The following SPINK2 variants were observed in gnomAD, a reference collection of about 807,000 sequenced individuals.
The protein encoded by SPINK2 is serine protease inhibitor Kazal-type 2.
In SPINK2, 8 loss-of-function variants were observed where a neutral mutation model predicts 13.5. The observed-to-expected ratio is 0.59, with a 90% CI of 0.35 to 1.07. The LOEUF is 1.07. Ranked by LOEUF, SPINK2 falls within the 50% of genes least tolerant of loss-of-function variation. The pLI is 0.02. For synonymous variants in SPINK2, 76 were observed against 74.7 expected (o/e 1.02, Z -0.09); for missense variants, 148 against 180.3 (o/e 0.82, Z 1.03).
chr4:56,816,955 G>A (rs1717506128), intron 2 of SPINK2, among the ~76,000 whole-genome samples: 1 of 151,902 alleles, frequency 6.6e-6, no homozygotes, highest in African/African-American at 2.4e-5. Context: ...CTATAACCCA[G>A]CACTTGGGGA....
chr4:56,819,049 G>A (rs1246169397), intron 2 of SPINK2, among the ~76,000 whole-genome samples: 2 of 152,116 alleles, frequency 1.3e-5, no homozygotes, highest in African/African-American at 2.4e-5. Context: ...ACTTCCATGT[G>A]ACCTTGGCCA....
Position 56,821,665 on chromosome 4 carries a change from T to G in SPINK2, c.-3A>C. ...AAGCGCAGCACCGACAGCGCCATCCTCCTCCCGCGCCGGCTGTCTTGCCCC... is the reference window on the plus strand; with the variant it reads ...AAGCGCAGCACCGACAGCGCCATCCGCCTCCCGCGCCGGCTGTCTTGCCCC... On this transcript the variant is annotated 5_prime_UTR_variant, in exon 1 of 4. Coordinates refer to ENST00000506738, the MANE Select transcript of SPINK2 (RefSeq NM_001271718.2). 6.5e-7 allele frequency: 1 copy of G among 1,530,332 alleles called. No individual in the cohort carries two copies. Among genetic ancestry groups the G allele is most frequent in the Non-Finnish European group, 8.8e-7 (1 of 1,140,740 alleles). The allele number at this position is 1,530,332 out of a possible 1,614,324, so 94.8% of individuals were successfully genotyped here. A position where few individuals can be genotyped will look rare whatever the true frequency, so the allele number is the denominator to read the frequency against.
rs374180169 is a variant in SPINK2, at chr4:56,811,689, T to G, written c.355A>C (p.Ile119Leu). Residue 119 changes from isoleucine (I) to leucine (L), a missense_variant, in exon 3 of 4, where the codon ATC (isoleucine) becomes CTC (leucine). Physicochemically the swap from Ile to Leu is conservative, Grantham distance 5. Coordinates refer to ENST00000506738, the MANE Select transcript of SPINK2 (RefSeq NM_001271718.2). ...ACAGCTGTAAAATCATGTTACCTGA[T>G]TTTCATGCACAGAGTACATTCATTG... is the stretch of plus-strand genomic sequence containing the variant. ...YANECTLCMK[I>L]REGGHNIKII... is the part of the protein sequence containing the mutation. 23 of 1,599,058 alleles carry G rather than the reference T, an allele frequency of 1.4e-5. No homozygotes were observed. Among genetic ancestry groups the G allele is most frequent in the Non-Finnish European group, 2.0e-5 (23 of 1,171,518 alleles).
chr4:56,811,692 T>G lies in SPINK2; in HGVS notation c.352A>C (p.Lys118Gln), dbSNP rs761778800. The change falls in exon 3 of 4, where the codon AAA (lysine) becomes CAA (glutamine). Residue 118 changes from lysine (K) to glutamine (Q), a missense_variant. Transcript: ENST00000506738. ...TYANECTLCM[K>Q]IREGGHNIKI... ...GCTGTAAAATCATGTTACCTGATTT[T>G]CATGCACAGAGTACATTCATTGGCA... The G allele has an allele frequency of 6.2e-7, 1 of 1,603,244 alleles. No homozygotes were observed. Among genetic ancestry groups the G allele is most frequent in the Non-Finnish European group, 8.5e-7 (1 of 1,173,242 alleles).
At chr4:56,821,745 G>A (rs1322505436), upstream of SPINK2, 2 of 1,318,784 alleles carry the variant, frequency 1.5e-6, no homozygotes, top group African/African-American at 2.2e-5. Context: ...GGGGCGCGGG[G>A]AGGGCGGGGG....
At chr4:56,817,093 T>C (rs1195272702) in intron 2 of SPINK2, among the ~76,000 whole-genome samples, 1 of 151,864 alleles carries the variant, frequency 6.6e-6, no homozygotes, top group Non-Finnish European at 1.5e-5. Context: ...TCCCAGCTAC[T>C]CAGGAGGCTT....
intron 2 of SPINK2, among the ~76,000 whole-genome samples, chr4:56,813,924 T>TC (rs1717209375): frequency 2.1e-5 from 3 of 143,224 alleles, no homozygotes; most frequent in African/African-American, 7.8e-5. Context: ...TGGCCCTTTT[T>TC]TTTTTTTTTT....
chr4:56,810,316 T>A (rs1716874773), intron 3 of SPINK2, 132 bp from the exon 4 acceptor site: 1 of 790,952 alleles, frequency 1.3e-6, no homozygotes, highest in Admixed American at 3.4e-5. Flanking sequence ...ATTTAATCAT[T>A]TTTTAAGCTA....
rs1716844914 is a variant in SPINK2 at position 56,809,989 on chromosome 4, A to G, written c.*150T>C. On this transcript the variant is annotated 3_prime_UTR_variant, in exon 4 of 4. Coordinates refer to ENST00000506738, the MANE Select transcript of SPINK2 (RefSeq NM_001271718.2). ...TTTTCTTTAAATTATCCATCACTAC[A>G]CATGGCTGTCTTCCATACCTGCTCT... 1.3e-6 allele frequency: 2 copies of G among 1,508,764 alleles called. No individual in the cohort carries two copies. The highest frequency in any genetic ancestry group is 5.6e-5 in the Admixed American group (2 of 35,468). 93.5% of individuals were successfully genotyped at this position (1,508,764 alleles called of 1,614,324 possible). A position where few individuals can be genotyped will look rare whatever the true frequency, so the allele number is the denominator to read the frequency against.
At chr4:56,821,702 A>G, upstream of SPINK2, 1 of 1,426,334 alleles carries the variant, frequency 7.0e-7, no homozygotes, top group Non-Finnish European at 9.1e-7. Flanking sequence ...GCGGTCTGTT[A>G]CCTGCGCCAC....
At chr4:56,817,121 G>A (rs1194776341) in intron 2 of SPINK2, among the ~76,000 whole-genome samples, 4 of 152,058 alleles carry the variant, frequency 2.6e-5, no homozygotes, top group Non-Finnish European at 4.4e-5. Flanking sequence ...AGAATTGCTT[G>A]AACCCAGGAG....
At chr4:56,821,734 CG>C (rs1483753650), upstream of SPINK2, 7 of 1,301,770 alleles carry the variant, frequency 5.4e-6, no homozygotes, top group Non-Finnish European at 6.8e-6. Context: ...GCTCGTGCGA[CG>C]GGGCGCGGGG....
intron 2 of SPINK2, among the ~76,000 whole-genome samples, chr4:56,813,699 C>T (rs1459983612): frequency 6.6e-6 from 1 of 151,734 alleles, no homozygotes; most frequent in Non-Finnish European, 1.5e-5. Flanking sequence ...CTCACTGCAA[C>T]TTCTGCCTCC....
intron 2 of SPINK2, among the ~76,000 whole-genome samples, chr4:56,815,482 T>C (rs958381381): frequency 6.6e-6 from 1 of 152,088 alleles, no homozygotes; most frequent in Non-Finnish European, 1.5e-5. Context: ...GGCAGATCAC[T>C]TGAGGCCAGG....
At chr4:56,821,853 C>G, upstream of SPINK2, 2 of 273,430 alleles carry the variant, frequency 7.3e-6, no homozygotes, top group South Asian at 9.0e-5. Flanking sequence ...CGTGAAGGGT[C>G]GGGGGAGAAC....
intron 2 of SPINK2, among the ~76,000 whole-genome samples, chr4:56,816,020 T>C (rs1717418661): frequency 6.6e-6 from 1 of 152,076 alleles, no homozygotes; most frequent in Admixed American, 6.6e-5. Context: ...GAAGGATCAC[T>C]GGAGCCCAGG....
At chr4:56,813,157 T>C (rs1293360698) in intron 2 of SPINK2, among the ~76,000 whole-genome samples, 3 of 152,198 alleles carry the variant, frequency 2.0e-5, no homozygotes, top group Admixed American at 1.3e-4. Context: ...ACCCCATCTC[T>C]AGCAAAAATA....
chr4:56,816,900 TAAAAA>T, intron 2 of SPINK2, among the ~76,000 whole-genome samples: 1 of 147,918 alleles, frequency 6.8e-6, no homozygotes, highest in East Asian at 2.0e-4. Flanking sequence ...TAAAATAAAA[TAAAAA>T]AATAAAACAT....
intron 2 of SPINK2, among the ~76,000 whole-genome samples, chr4:56,813,919 CTT>C (rs71194126): frequency 7.8e-4 from 76 of 97,108 alleles, no homozygotes; most frequent in African/African-American, 1.6e-3. Flanking sequence ...GCACCTGGCC[CTT>C]TTTTTTTTTT....
Sources: allele counts gnomAD v4.1 joint callset (sites outside exome capture counted in the v4.1 genomes callset), GRCh38; gene constraint gnomAD v4.1.1; transcripts MANE v1.5; gene names NCBI Gene and HGNC (gene_info 2026-07-23, HGNC 2026-07-21).